Variants in HIP1R observed in about 807,000 individuals in gnomAD.
HIP1R encodes huntingtin-interacting protein 1-related protein.
In HIP1R, 135 loss-of-function variants were observed where a neutral mutation model predicts 144.2. That is an observed-to-expected ratio of 0.94 (90% CI 0.81 to 1.08). The LOEUF (loss-of-function observed/expected upper bound fraction) is 1.08. Ranked by LOEUF, HIP1R falls within the 50% of genes least tolerant of loss-of-function variation. The probability of loss-of-function intolerance (pLI) is 0.00; values close to 1 mark genes in which losing one functional copy is unlikely to be tolerated. For missense variants in HIP1R, 1,462 were observed against 1,432.8 expected, an observed-to-expected ratio of 1.02 and a Z score of -0.33; for synonymous variants, 698 against 612.8, an observed-to-expected ratio of 1.14 and a Z score of -2.05.
intron 17 of HIP1R, 48 bp downstream of exon 17, chr12:122,856,774 G>C (rs1429002698): frequency 1.4e-6 from 2 of 1,457,462 alleles, no homozygotes; most frequent in Non-Finnish European, 1.9e-6. Context: ...GGCCAGTCCT[G>C]GGTGGAAGTC....
At position 122,855,024 on chromosome 12, in the gene HIP1R, T is replaced by C. The variant is rs764390540; in HGVS notation, c.777-29T>C. ...GGGGAGAGGCTCCGTGGCCCCTTCC[T>C]GAACCCGAACTTCCCACCATCTCTG... On this transcript the variant is annotated intron_variant, in intron 9 of 31. Coordinates refer to ENST00000253083, the MANE Select transcript of HIP1R (RefSeq NM_003959.3). 2.5e-6 allele frequency: 4 copies of C among 1,613,650 alleles called. No homozygotes were observed. In the African/African-American group the frequency reaches 4.0e-5, roughly 16 times the overall value.
intron 7 of HIP1R, among the ~76,000 whole-genome samples, chr12:122,852,673 C>T (rs745761440): frequency 9.2e-5 from 14 of 152,194 alleles, no homozygotes; most frequent in Admixed American, 9.2e-4. Flanking sequence ...ACACAAACGT[C>T]CTAAACATGC....
At position 122,854,185 on chromosome 12, in the gene HIP1R, T is replaced by TA. The variant is rs1418662454; in HGVS notation, c.718+2_718+3insA. ...AGCTCCTGTTCAAGCTACACTCTTG[T>TA]GAGTGGCCCAGGGCAACCCCTGGCC... On this transcript the variant is annotated splice_region_variant and intron_variant, in intron 8 of 31. Coordinates refer to ENST00000253083, the MANE Select transcript of HIP1R (RefSeq NM_003959.3). 3 of 1,612,984 alleles carry TA rather than the reference T, an allele frequency of 1.9e-6. No homozygotes were observed.
Position 122,854,899 on chromosome 12 carries a change from C to T in HIP1R, c.719-6C>T, listed in dbSNP as rs778307240. ...GAAGTCCTGTTACACTTGTGCCACC[C>T]TCCAGGTCTCCCTGCGGACACCCTG... On this transcript the variant is annotated splice_polypyrimidine_tract_variant and splice_region_variant and intron_variant, in intron 8 of 31. Transcript: ENST00000253083. 5 of 1,612,580 alleles carry T rather than the reference C, an allele frequency of 3.1e-6. No individual in the cohort carries two copies. Among genetic ancestry groups the T allele is most frequent in the Non-Finnish European group, 4.2e-6 (5 of 1,179,536 alleles).
chr12:122,859,381 G>C (rs752493293), intron 22 of HIP1R, 45 bp from the exon 23 acceptor site: 236 of 1,477,138 alleles, frequency 1.6e-4, no homozygotes, highest in Non-Finnish European at 2.0e-4. Flanking sequence ...CCCGTGGGAC[G>C]GGGGGGGACG....
At chr12:122,855,768 CT>C in intron 12 of HIP1R, 62 bp from the exon 13 acceptor site, 1 of 1,533,164 alleles carries the variant, frequency 6.5e-7, no homozygotes, top group South Asian at 1.2e-5. Flanking sequence ...AGACAGGTTC[CT>C]GTGCTGGGTC....
intron 25 of HIP1R, 29 bp downstream of exon 25, chr12:122,860,106 C>T: frequency 6.3e-7 from 1 of 1,582,844 alleles, no homozygotes; most frequent in Non-Finnish European, 8.6e-7. Context: ...GGGGGGTCTG[C>T]ACCTGGAGGG....
At chr12:122,859,365 A>G in intron 22 of HIP1R, 61 bp from the exon 23 acceptor site, 2 of 1,514,230 alleles carry the variant, frequency 1.3e-6, no homozygotes. Flanking sequence ...CCTCTTTCCC[A>G]GGCTGCCCGT....
At chr12:122,856,393 G>T in intron 15 of HIP1R, 39 bp from the exon 16 acceptor site, 2 of 1,608,496 alleles carry the variant, frequency 1.2e-6, no homozygotes, top group South Asian at 2.2e-5. Context: ...GCCTCTCGGG[G>T]ATGGCAGCAG....
At position 122,851,216 on chromosome 12, in the gene HIP1R, C is replaced by T. The variant is rs760762435; in HGVS notation, c.516-20C>T. Reference sequence around the variant, plus strand: ...GTCCACCCACCCTTTTTCATTTCTTCCCCCACTTCTCTTGCGTAGCTTCCA... The same window carrying T: ...GTCCACCCACCCTTTTTCATTTCTTTCCCCACTTCTCTTGCGTAGCTTCCA... On this transcript the variant is annotated intron_variant, in intron 6 of 31. Transcript: ENST00000253083. 4 of 1,491,792 alleles carry T rather than the reference C, an allele frequency of 2.7e-6. No homozygotes were observed. The highest frequency in any genetic ancestry group is 2.6e-5 in the Admixed American group (1 of 38,426). The allele number at this position is 1,491,792 out of a possible 1,614,324, so 92.4% of individuals were successfully genotyped here.
chr12:122,854,023 C>CG lies in HIP1R; in HGVS notation c.578-20_578-19insG, dbSNP rs924800733. On this transcript the variant is annotated intron_variant, in intron 7 of 31. Coordinates refer to ENST00000253083, the MANE Select transcript of HIP1R (RefSeq NM_003959.3). ...CAGCTCCCAAGGGCTCACGTTCTTC[C>CG]TCCTGCCCCTTTTGCACAGTTTTCC... The CG allele has an allele frequency of 1.2e-6, 2 of 1,611,200 alleles. No individual in the cohort carries two copies. The highest frequency in any genetic ancestry group is 2.7e-5 in the African/African-American group (2 of 74,820).
At chr12:122,845,343 G>A (rs925558198) in intron 1 of HIP1R, among the ~76,000 whole-genome samples, 4 of 152,310 alleles carry the variant, frequency 2.6e-5, no homozygotes, top group African/African-American at 9.6e-5. Context: ...CTTGTGTGGC[G>A]CTCTGAGCCT....
Position 122,855,415 on chromosome 12 carries a change from C to T in HIP1R, c.993+10C>T. 6.4e-7 allele frequency: 1 copy of T among 1,556,314 alleles called. No individual in the cohort carries two copies. The highest frequency in any genetic ancestry group is 8.7e-7 in the Non-Finnish European group (1 of 1,151,156). ...CGCGGGGGAGCCAGTGGTGAGCCCC[C>T]TGCCCAGCCCGTGTCCCCCAGTCCT... On this transcript the variant is annotated intron_variant, in intron 11 of 31. Coordinates refer to ENST00000253083, the MANE Select transcript of HIP1R (RefSeq NM_003959.3).
Position 122,861,028 on chromosome 12 carries a change from T to C in HIP1R, c.2879T>C (p.Ile960Thr), listed in dbSNP as rs773620432. Residue 960 changes from isoleucine to threonine, a missense_variant, in exon 29 of 32, where the codon ATT (isoleucine) becomes ACT (threonine). Physicochemically the swap from Ile to Thr is moderately conservative, Grantham distance 89 (BLOSUM62 -1). Transcript: ENST00000253083. ...TCCACCAAGTCAGGCCAGGAGCAGATTGAGGACAGAGGTGAGTGCCAGATG... is the reference window on the plus strand; with the variant it reads ...TCCACCAAGTCAGGCCAGGAGCAGACTGAGGACAGAGGTGAGTGCCAGATG... The part of the protein sequence containing the change: ...VASTKSGQEQ[I>T]EDRDTMDFSG... 6.2e-6 allele frequency: 10 copies of C among 1,613,536 alleles called. No individual in the cohort carries two copies. Among genetic ancestry groups the C allele is most frequent in the Non-Finnish European group, 6.8e-6 (8 of 1,179,980 alleles).
rs757012546 is a variant in HIP1R at position 122,856,360 on chromosome 12, C to T, written c.1401+16C>T. Reference sequence around the variant, plus strand: ...GCTCAGAAAGGTAGGTGCAGCCCATCCTCCATCCCAGCCGGTGGCAGGGCC... The same window carrying T: ...GCTCAGAAAGGTAGGTGCAGCCCATTCTCCATCCCAGCCGGTGGCAGGGCC... On this transcript the variant is annotated intron_variant, in intron 15 of 31. Transcript: ENST00000253083. 70 of 1,613,210 alleles carry T rather than the reference C, an allele frequency of 4.3e-5. No homozygotes were observed. Among genetic ancestry groups the T allele is most frequent in the East Asian group, 3.1e-4 (14 of 44,864 alleles).
chr12:122,854,541 C>T (rs1201042933), intron 8 of HIP1R, among the ~76,000 whole-genome samples: 1 of 152,176 alleles, frequency 6.6e-6, no homozygotes, highest in Non-Finnish European at 1.5e-5. Context: ...TTGATCTAAC[C>T]AACCCCTTGA....
upstream of HIP1R, chr12:122,835,085 C>G: frequency 1.9e-6 from 2 of 1,047,090 alleles, no homozygotes; most frequent in Non-Finnish European, 2.6e-6. Context: ...AGGGGTTCCC[C>G]CTCCCCCTTC....
chr12:122,850,932 A>T (rs1444384753), intron 6 of HIP1R, 21 bp downstream of exon 6: 1 of 1,602,186 alleles, frequency 6.2e-7, no homozygotes, highest in South Asian at 1.1e-5. Flanking sequence ...CTGCATGGCT[A>T]CATAGCCAGT....
chr12:122,844,405 C>T (rs932284244), intron 1 of HIP1R, among the ~76,000 whole-genome samples: 3 of 152,236 alleles, frequency 2.0e-5, no homozygotes, highest in Non-Finnish European at 2.9e-5. Flanking sequence ...GGATTATAGG[C>T]GTGCGCCACT....
Sources: allele counts gnomAD v4.1 joint callset (sites outside exome capture counted in the v4.1 genomes callset), GRCh38; gene constraint gnomAD v4.1.1; transcripts MANE v1.5; gene names NCBI Gene and HGNC (gene_info 2026-07-23, HGNC 2026-07-21).